The following DPYD variants were observed in gnomAD, a reference collection of about 807,000 sequenced individuals.
The protein encoded by DPYD is dihydropyrimidine dehydrogenase.
Under a neutral mutation model 116.2 loss-of-function variants are expected in DPYD, and 109 were observed. The ratio of observed to expected loss-of-function variants is 0.94; its 90% CI spans 0.80 to 1.10. The LOEUF (loss-of-function observed/expected upper bound fraction) is 1.10. Ranked by LOEUF, DPYD falls within the 50% of genes least tolerant of loss-of-function variation. The pLI, the probability that DPYD is intolerant of heterozygous loss-of-function variation, is 0.00. For missense variants in DPYD, 1,302 were observed against 1,254.5 expected, an observed-to-expected ratio of 1.04 and a Z score of -0.57; for synonymous variants, 440 against 432.0, an observed-to-expected ratio of 1.02 and a Z score of -0.23.
chr1:97,166,296 G>A (rs1483312956), intron 20 of DPYD, among the ~76,000 whole-genome samples: 1 of 152,110 alleles, frequency 6.6e-6, no homozygotes, highest in Non-Finnish European at 1.5e-5. Flanking sequence ...AACATGGATG[G>A]AGCTGGAGGC....
chr1:97,569,583 T>C (rs998445865), intron 11 of DPYD, among the ~76,000 whole-genome samples: 1 of 151,834 alleles, frequency 6.6e-6, no homozygotes, highest in African/African-American at 2.4e-5. Flanking sequence ...TGATAGCCTT[T>C]ACAGTCTATC....
intron 14 of DPYD, among the ~76,000 whole-genome samples, chr1:97,390,392 G>A (rs575202299): frequency 1.3e-5 from 2 of 152,108 alleles, no homozygotes; most frequent in South Asian, 2.1e-4. Context: ...GATTTTCAAA[G>A]ACATTTAAAC....
intron 12 of DPYD, among the ~76,000 whole-genome samples, chr1:97,525,787 A>AGG (rs1264120398): frequency 1.4e-5 from 2 of 146,154 alleles, no homozygotes; most frequent in African/African-American, 5.2e-5. Context: ...AGAGAGAGAG[A>AGG]GAGTGTGTGT....
At chr1:97,794,921 T>A (rs1384412275) in intron 3 of DPYD, among the ~76,000 whole-genome samples, 1 of 152,178 alleles carries the variant, frequency 6.6e-6, no homozygotes, top group African/African-American at 2.4e-5. Flanking sequence ...TTGTTTGTTG[T>A]TAGTGATTAG....
chr1:97,540,657 T>C (rs2102054552), intron 12 of DPYD, among the ~76,000 whole-genome samples: 1 of 152,282 alleles, frequency 6.6e-6, no homozygotes, highest in South Asian at 2.1e-4. Flanking sequence ...GTTCATTACA[T>C]AGGCATGATT....
At chr1:97,545,727 C>T (rs1006048863) in intron 12 of DPYD, 138 of 1,300,856 alleles carry the variant, frequency 1.1e-4, no homozygotes, top group Non-Finnish European at 1.3e-4. Flanking sequence ...TGGCCCCGAA[C>T]CGTGAAGAAA....
chr1:97,921,007 C>G lies in DPYD; in HGVS notation c.-85G>C. The G allele has an allele frequency of 6.6e-7, 1 of 1,525,142 alleles. No homozygotes were observed. The highest frequency in any genetic ancestry group is 8.9e-7 in the Non-Finnish European group (1 of 1,124,924). 94.5% of individuals were successfully genotyped at this position (1,525,142 alleles called of 1,614,324 possible). Reference sequence around the variant, plus strand: ...AGCCAGAGAGCCAAGTGACAGCAGCCGGAGCGCGAGTCGAAAACAGGCAGA... The same window carrying G: ...AGCCAGAGAGCCAAGTGACAGCAGCGGGAGCGCGAGTCGAAAACAGGCAGA... On this transcript the variant is annotated 5_prime_UTR_variant, in exon 1 of 23. Transcript: ENST00000370192.
At chr1:97,291,786 A>C (rs1361081260) in intron 18 of DPYD, among the ~76,000 whole-genome samples, 1 of 152,268 alleles carries the variant, frequency 6.6e-6, no homozygotes, top group East Asian at 1.9e-4. Flanking sequence ...ATGTATACAT[A>C]TGTAGCTAAA....
intron 10 of DPYD, among the ~76,000 whole-genome samples, chr1:97,576,383 G>C (rs752298865): frequency 1.3e-5 from 2 of 152,080 alleles, no homozygotes; most frequent in Non-Finnish European, 2.9e-5. Flanking sequence ...TGTACCTATT[G>C]GGAATATGTC....
chr1:97,746,548 C>T (rs964162602), intron 3 of DPYD, among the ~76,000 whole-genome samples: 12 of 151,968 alleles, frequency 7.9e-5, no homozygotes, highest in Non-Finnish European at 1.6e-4. Flanking sequence ...TGCTCTTAAA[C>T]GTATTTGTTT....
intron 2 of DPYD, among the ~76,000 whole-genome samples, chr1:97,864,544 C>A (rs948932023): frequency 2.0e-5 from 3 of 151,856 alleles, no homozygotes; most frequent in South Asian, 4.2e-4. Context: ...CTCCTCCCCC[C>A]ACACCTCTGT....
Position 97,380,554 on chromosome 1 carries a change from C to T in DPYD, c.1974+1839G>A, listed in dbSNP as rs114725494. On this transcript the variant is annotated intron_variant, in intron 15 of 22. Transcript: ENST00000370192. ...AAAAGCTGATAGCAGGTTTCCTCAG[C>T]TCTCCATTGTGTAATTCAAGAATTA... Among the ~76,000 whole-genome samples, 564 of 152,306 alleles carry T rather than the reference C, an allele frequency of 3.7e-3. 6 individuals carry two copies. Among genetic ancestry groups the T allele is most frequent in the African/African-American group, 0.013 (543 of 41,570 alleles).
intron 20 of DPYD, among the ~76,000 whole-genome samples, chr1:97,125,134 T>C (rs988016290): frequency 1.3e-5 from 2 of 152,124 alleles, no homozygotes; most frequent in African/African-American, 4.8e-5. Context: ...TGGGAAGTTA[T>C]CAGTGGTTTC....
chr1:97,221,918 T>C (rs575786954), intron 19 of DPYD, among the ~76,000 whole-genome samples: 1 of 152,124 alleles, frequency 6.6e-6, no homozygotes, highest in South Asian at 2.1e-4. Context: ...GTTACTACAT[T>C]ACCTCCCCAA....
chr1:97,272,812 A>G (rs776714433), intron 18 of DPYD, among the ~76,000 whole-genome samples: 83 of 152,224 alleles, frequency 5.5e-4, no homozygotes, highest in Non-Finnish European at 9.4e-4. Context: ...TAGAATATTG[A>G]ACAATCAGAA....
chr1:97,425,651 G>A (rs1036850318), intron 14 of DPYD, among the ~76,000 whole-genome samples: 1 of 151,952 alleles, frequency 6.6e-6, no homozygotes, highest in African/African-American at 2.4e-5. Context: ...ATCTATAGTT[G>A]AACTTCAATA....
At position 97,515,867 on chromosome 1, in the gene DPYD, A is replaced by T; in HGVS notation, c.1599T>A (p.Ile533=). The change falls in exon 13 of 23, where the codon ATT becomes ATA. Residue 533 remains isoleucine (I), a synonymous_variant. Coordinates refer to ENST00000370192, the MANE Select transcript of DPYD (RefSeq NM_000110.4). The stretch of plus-strand genomic sequence containing the variant: ...ACTTCAATCCGGCCATTTCTACACT[A>T]ATGTCCACCAGATCAATAGGAGTGT... The part of the protein sequence containing the change: ...LFYTPIDLVD[I]SVEMAGLKFI... 3.7e-6 allele frequency: 6 copies of T among 1,612,980 alleles called. No homozygotes were observed. Among genetic ancestry groups the T allele is most frequent in the Non-Finnish European group, 5.1e-6 (6 of 1,179,266 alleles).
intron 21 of DPYD, among the ~76,000 whole-genome samples, chr1:97,083,993 G>T (rs940990249): frequency 3.3e-5 from 5 of 151,960 alleles, no homozygotes; most frequent in African/African-American, 1.2e-4. Flanking sequence ...TAATTTTAAT[G>T]CAATTGTAAG....
chr1:97,877,799 A>G (rs1671998687), intron 2 of DPYD, among the ~76,000 whole-genome samples: 1 of 151,960 alleles, frequency 6.6e-6, no homozygotes, highest in Non-Finnish European at 1.5e-5. Context: ...TGATATGTCA[A>G]TGGAGGGACA....
Sources: gnomAD v4.1 joint callset for allele counts (sites outside exome capture counted in the v4.1 genomes callset) on GRCh38, gnomAD v4.1.1 for gene constraint, MANE v1.5 for transcripts, NCBI Gene and HGNC (gene_info 2026-07-23, HGNC 2026-07-21) for gene names.